The following IMMP2L variants were observed in gnomAD, a reference collection of about 807,000 sequenced individuals.
IMMP2L encodes the protein mitochondrial inner membrane protease subunit 2.
A neutral mutation model predicts 19.3 loss-of-function variants in IMMP2L; 18 were observed. The ratio of observed to expected loss-of-function variants is 0.93; its 90% CI spans 0.64 to 1.38. IMMP2L has a LOEUF of 1.38. Ranked by LOEUF, IMMP2L falls within the 40% of genes most tolerant of loss-of-function variation. IMMP2L has a pLI of 0.00. For missense variants in IMMP2L, 233 were observed against 218.2 expected, an observed-to-expected ratio of 1.07 and a Z score of -0.43; for synonymous variants, 76 against 73.0, an observed-to-expected ratio of 1.04 and a Z score of -0.21.
chr7:111,224,977 T>C (rs899782891), intron 3 of IMMP2L, among the ~76,000 whole-genome samples: 3 of 152,148 alleles, frequency 2.0e-5, no homozygotes, highest in African/African-American at 7.2e-5. Context: ...AAATGGCAAA[T>C]ACACATAAAG....
Position 110,951,083 on chromosome 7 carries a change from G to A in IMMP2L, c.305+12417C>T, listed in dbSNP as rs1443450192. Among the ~76,000 whole-genome samples the A allele has an allele frequency of 2.0e-5, 3 of 151,376 alleles. No individual in the cohort carries two copies. In the East Asian group the frequency reaches 5.8e-4, roughly 29 times the overall value. Reference sequence around the variant, plus strand: ...AGTATCTAAACCACTCAAACTCATAGAAACAGAGAGTAGAAGGGGGTTACC... The same window carrying A: ...AGTATCTAAACCACTCAAACTCATAAAAACAGAGAGTAGAAGGGGGTTACC... On this transcript the variant is annotated intron_variant, in intron 4 of 5. Coordinates refer to ENST00000405709, the MANE Select transcript of IMMP2L (RefSeq NM_032549.4).
chr7:111,169,833 C>T (rs1806233326), intron 3 of IMMP2L, among the ~76,000 whole-genome samples: 1 of 151,844 alleles, frequency 6.6e-6, no homozygotes, highest in Non-Finnish European at 1.5e-5. Flanking sequence ...AGAAATGTCA[C>T]AGACTACACT....
intron 4 of IMMP2L, among the ~76,000 whole-genome samples, chr7:110,950,443 T>A (rs1034134570): frequency 6.6e-6 from 1 of 152,056 alleles, no homozygotes; most frequent in African/African-American, 2.4e-5. Flanking sequence ...GGATATACTG[T>A]TGTTTGGGTT....
intron 3 of IMMP2L, among the ~76,000 whole-genome samples, chr7:111,020,555 A>C (rs969322741): frequency 6.6e-6 from 1 of 152,176 alleles, no homozygotes; most frequent in Admixed American, 6.5e-5. Flanking sequence ...TGAGCATAGG[A>C]GTTCAAGACC....
At chr7:111,095,014 A>T (rs1308108663) in intron 3 of IMMP2L, among the ~76,000 whole-genome samples, 1 of 152,028 alleles carries the variant, frequency 6.6e-6, no homozygotes, top group African/African-American at 2.4e-5. Flanking sequence ...CATTTACTAT[A>T]TTTGCATAAT....
intron 5 of IMMP2L, among the ~76,000 whole-genome samples, chr7:110,685,610 T>A (rs567000840): frequency 1.3e-5 from 2 of 152,260 alleles, no homozygotes; most frequent in African/African-American, 4.8e-5. Context: ...TAGTTTATGA[T>A]GGTTTATTGT....
chr7:111,552,874 CT>C (rs1225510436), intron 1 of IMMP2L, among the ~76,000 whole-genome samples: 1 of 152,142 alleles, frequency 6.6e-6, no homozygotes, highest in Non-Finnish European at 1.5e-5. Context: ...CAGCTTGAAT[CT>C]CGGGAAAGTC....
chr7:110,876,490 A>G (rs1380136349), intron 5 of IMMP2L, among the ~76,000 whole-genome samples: 1 of 152,158 alleles, frequency 6.6e-6, no homozygotes, highest in Non-Finnish European at 1.5e-5. Flanking sequence ...CTCATCAGGT[A>G]GCCAAGACTG....
chr7:111,302,976 C>T (rs1284172966), intron 3 of IMMP2L, among the ~76,000 whole-genome samples: 1 of 152,070 alleles, frequency 6.6e-6, no homozygotes, highest in Non-Finnish European at 1.5e-5. Context: ...TAACTGTATC[C>T]TACTAGCATC....
At chr7:110,783,467 A>G (rs1009160433) in intron 5 of IMMP2L, among the ~76,000 whole-genome samples, 1 of 151,892 alleles carries the variant, frequency 6.6e-6, no homozygotes, top group East Asian at 1.9e-4. Flanking sequence ...TCATGTCAGT[A>G]AATGCCATTA....
chr7:110,995,492 T>C (rs1822934048), intron 3 of IMMP2L, among the ~76,000 whole-genome samples: 1 of 152,166 alleles, frequency 6.6e-6, no homozygotes, highest in African/African-American at 2.4e-5. Flanking sequence ...TTCTGTTTCT[T>C]CCAGGAGATA....
At chr7:111,104,548 T>C (rs1163138899) in intron 3 of IMMP2L, among the ~76,000 whole-genome samples, 1 of 151,742 alleles carries the variant, frequency 6.6e-6, no homozygotes, top group Non-Finnish European at 1.5e-5. Flanking sequence ...TGAAACTACT[T>C]AGTATGGTTG....
chr7:110,903,607 T>C (rs886322369), intron 4 of IMMP2L, among the ~76,000 whole-genome samples: 3 of 152,218 alleles, frequency 2.0e-5, no homozygotes, highest in African/African-American at 4.8e-5. Context: ...TTTTTAAGAA[T>C]AGTATTCCAT....
At chr7:110,778,746 T>A (rs903646424) in intron 5 of IMMP2L, among the ~76,000 whole-genome samples, 5 of 151,974 alleles carry the variant, frequency 3.3e-5, no homozygotes, top group Non-Finnish European at 7.4e-5. Flanking sequence ...TCATTTTAGA[T>A]ATGTGGCCCT....
At chr7:111,411,495 T>C (rs1331490757) in intron 3 of IMMP2L, 1 of 456,368 alleles carries the variant, frequency 2.2e-6, no homozygotes, top group Non-Finnish European at 4.4e-6. Flanking sequence ...ATGGGCTGTA[T>C]TGACATTATG....
At chr7:110,957,784 A>G (rs1318983995) in intron 4 of IMMP2L, among the ~76,000 whole-genome samples, 2 of 151,922 alleles carry the variant, frequency 1.3e-5, no homozygotes, top group Admixed American at 6.6e-5. Context: ...TTAATTCATG[A>G]GTCTCTTCAA....
chr7:111,355,868 T>C (rs1828645738), intron 3 of IMMP2L, among the ~76,000 whole-genome samples: 2 of 152,122 alleles, frequency 1.3e-5, no homozygotes, highest in Middle Eastern at 6.8e-3. Flanking sequence ...TTCCTCCCAA[T>C]AGGTCTTTAA....
intron 5 of IMMP2L, among the ~76,000 whole-genome samples, chr7:110,691,018 TCC>T (rs1562919137): frequency 6.6e-6 from 1 of 151,798 alleles, no homozygotes; most frequent in Admixed American, 6.6e-5. Flanking sequence ...GCCATAACAA[TCC>T]TAAACAAAAA....
At chr7:110,683,049 A>T (rs1792846270) in intron 5 of IMMP2L, among the ~76,000 whole-genome samples, 1 of 152,080 alleles carries the variant, frequency 6.6e-6, no homozygotes, top group Admixed American at 6.6e-5. Flanking sequence ...AACAAAATAC[A>T]TCAGATAAGA....
Sources: gnomAD v4.1 joint callset for allele counts (sites outside exome capture counted in the v4.1 genomes callset) on GRCh38, gnomAD v4.1.1 for gene constraint, MANE v1.5 for transcripts, NCBI Gene and HGNC (gene_info 2026-07-23, HGNC 2026-07-21) for gene names.